Variants in RGS6 observed in about 807,000 individuals in gnomAD.
RGS6 encodes regulator of G protein signaling 6.
A neutral mutation model predicts 78.5 loss-of-function variants in RGS6; 30 were observed. The observed-to-expected ratio is 0.38, with a 90% CI of 0.29 to 0.52. The LOEUF is 0.52. Ranked by LOEUF, RGS6 falls within the 20% of genes least tolerant of loss-of-function variation. RGS6 has a pLI of 0.85. For missense variants in RGS6, 495 were observed against 609.7 expected (o/e 0.81, Z 1.98); for synonymous variants, 206 against 206.0 (o/e 1.00, Z 0.00).
chr14:72,252,541 G>A (rs975401711), intron 2 of RGS6, among the ~76,000 whole-genome samples: 3 of 152,146 alleles, frequency 2.0e-5, no homozygotes, highest in African/African-American at 7.2e-5. Flanking sequence ...CTCCCTGTTA[G>A]CCTGTACAAA....
intron 3 of RGS6, among the ~76,000 whole-genome samples, chr14:72,352,447 C>A (rs1488742513): frequency 1.3e-5 from 2 of 152,124 alleles, no homozygotes; most frequent in Admixed American, 6.6e-5. Flanking sequence ...TAAATAAACC[C>A]ATTAATAAAG....
intron 12 of RGS6, among the ~76,000 whole-genome samples, chr14:72,486,391 C>T (rs2096488924): frequency 6.6e-6 from 1 of 152,066 alleles, no homozygotes; most frequent in South Asian, 2.1e-4. Flanking sequence ...AGGAGCAGGG[C>T]TTATAAATAA....
At chr14:72,168,183 T>C (rs1255129969) in intron 2 of RGS6, among the ~76,000 whole-genome samples, 2 of 152,216 alleles carry the variant, frequency 1.3e-5, no homozygotes, top group African/African-American at 4.8e-5. Flanking sequence ...CCCTTCTTTT[T>C]CCATCCCTGC....
Position 72,371,630 on chromosome 14 carries a change from G to A in RGS6, c.184+19436G>A, listed in dbSNP as rs144754401. Among the ~76,000 whole-genome samples, 94 of 152,242 alleles carry A rather than the reference G, an allele frequency of 6.2e-4. No individual in the cohort carries two copies. The South Asian group carries it at 0.011, about 17-fold the overall frequency. On this transcript the variant is annotated intron_variant, in intron 3 of 17. Transcript: ENST00000553525. ...TACAAAATTAGCCAGTCATGGTGGC[G>A]CATGCCTGTAATCCTAGCTGCTCAG... is the stretch of plus-strand genomic sequence containing the variant.
intron 3 of RGS6, among the ~76,000 whole-genome samples, chr14:72,418,223 A>G (rs1030393361): frequency 2.6e-5 from 4 of 151,916 alleles, no homozygotes; most frequent in African/African-American, 7.3e-5. Context: ...TTGGAGTACA[A>G]TGGCATGATC....
the RGS6 span, among the ~76,000 whole-genome samples, chr14:71,884,164 T>C: frequency 6.6e-6 from 1 of 152,206 alleles, no homozygotes; most frequent in Non-Finnish European, 1.5e-5. Flanking sequence ...TCTGCCTTCA[T>C]CTCTCCCAGT....
At chr14:72,261,826 T>G in intron 2 of RGS6, among the ~76,000 whole-genome samples, 1 of 152,214 alleles carries the variant, frequency 6.6e-6, no homozygotes, top group East Asian at 1.9e-4. Flanking sequence ...GAAAAATATT[T>G]CCTTTTACAG....
chr14:72,152,386 T>G (rs2096707547), intron 2 of RGS6, among the ~76,000 whole-genome samples: 1 of 152,024 alleles, frequency 6.6e-6, no homozygotes, highest in African/African-American at 2.4e-5. Context: ...AGGGATGTCA[T>G]CAGTTTGCTC....
chr14:72,616,551 G>A, the RGS6 span, among the ~76,000 whole-genome samples: 2 of 152,202 alleles, frequency 1.3e-5, no homozygotes, highest in Admixed American at 1.3e-4. Flanking sequence ...TCCCAGACAA[G>A]CATGGCTCTG....
chr14:71,968,439 G>T (rs1029338591), intron 2 of RGS6, among the ~76,000 whole-genome samples: 1 of 152,154 alleles, frequency 6.6e-6, no homozygotes, highest in Non-Finnish European at 1.5e-5. Flanking sequence ...TTAGATTTTT[G>T]ATTTCATAAT....
intron 2 of RGS6, among the ~76,000 whole-genome samples, chr14:72,138,254 A>C (rs1359877309): frequency 6.6e-6 from 1 of 152,088 alleles, no homozygotes; most frequent in East Asian, 1.9e-4. Flanking sequence ...TGAAAACCAG[A>C]ATGCAAGTGT....
chr14:72,379,830 A>G (rs2085607448), intron 3 of RGS6, among the ~76,000 whole-genome samples: 1 of 152,146 alleles, frequency 6.6e-6, no homozygotes, highest in African/African-American at 2.4e-5. Context: ...AAAAATGTAC[A>G]TGGAACCACA....
intron 2 of RGS6, among the ~76,000 whole-genome samples, chr14:72,063,192 C>T (rs1339336497): frequency 6.6e-6 from 1 of 152,082 alleles, no homozygotes; most frequent in African/African-American, 2.4e-5. Flanking sequence ...ATCTGGGGTG[C>T]TCCCAACAGT....
chr14:72,233,907 G>C (rs2050311374), intron 2 of RGS6, among the ~76,000 whole-genome samples: 1 of 152,148 alleles, frequency 6.6e-6, no homozygotes, highest in South Asian at 2.1e-4. Context: ...ATGGGGTGAA[G>C]GACCGAATAG....
At chr14:71,884,121 G>A in the RGS6 span, among the ~76,000 whole-genome samples, 3 of 152,090 alleles carry the variant, frequency 2.0e-5, no homozygotes, top group Non-Finnish European at 4.4e-5. Flanking sequence ...ATCTGGTTTG[G>A]GACCCCTTTC....
intron 2 of RGS6, among the ~76,000 whole-genome samples, chr14:72,149,517 G>A (rs1442659493): frequency 6.6e-6 from 1 of 152,118 alleles, no homozygotes; most frequent in African/African-American, 2.4e-5. Context: ...CTGGCCTGGA[G>A]CATGTATGAA....
At chr14:72,382,537 T>TG (rs1465709259) in intron 3 of RGS6, among the ~76,000 whole-genome samples, 4 of 152,202 alleles carry the variant, frequency 2.6e-5, no homozygotes, top group African/African-American at 9.6e-5. Context: ...GTTGTGGTGA[T>TG]GCCTATGGAA....
At chr14:71,979,944 C>T (rs1314538225) in intron 2 of RGS6, among the ~76,000 whole-genome samples, 1 of 139,082 alleles carries the variant, frequency 7.2e-6, no homozygotes, top group Non-Finnish European at 1.6e-5. Context: ...TCTGGGTGCT[C>T]CTGTATTGGG....
At chr14:72,409,101 A>C (rs532912422) in intron 3 of RGS6, among the ~76,000 whole-genome samples, 1 of 152,236 alleles carries the variant, frequency 6.6e-6, no homozygotes, top group South Asian at 2.1e-4. Flanking sequence ...GATTCCAGTG[A>C]GGGGTCCCTC....
Sources: gnomAD v4.1 joint callset for allele counts (sites outside exome capture counted in the v4.1 genomes callset) on GRCh38, gnomAD v4.1.1 for gene constraint, MANE v1.5 for transcripts, NCBI Gene and HGNC (gene_info 2026-07-23, HGNC 2026-07-21) for gene names.